The following FANCA variants were observed in gnomAD, a reference collection of about 807,000 sequenced individuals.
FANCA encodes FA complementation group A.
FANCA carries 236 observed loss-of-function variants against 194.3 expected under a neutral mutation model. The observed-to-expected ratio is 1.21, with a 90% CI of 1.09 to 1.35. FANCA has a LOEUF of 1.35. FANCA is among the 40% of genes most tolerant of loss of function. The pLI is 0.00. For missense variants in FANCA, 2,628 were observed against 1,813.9 expected (o/e 1.45, Z -8.15); for synonymous variants, 1,014 against 715.8 (o/e 1.42, Z -6.65).
chr16:89,737,736 A>G lies in FANCA; in HGVS notation c.*865T>C. 2 of 1,604,400 alleles carry G rather than the reference A, an allele frequency of 1.2e-6. No individual in the cohort carries two copies. Among genetic ancestry groups the G allele is most frequent in the Non-Finnish European group, 8.5e-7 (1 of 1,172,878 alleles). On this transcript the variant is annotated 3_prime_UTR_variant, in exon 43 of 43. Transcript: ENST00000389301. ...GTCTTCCCAGCTGTGATGGTTTCAC[A>G]TTGTCATCGTCGTCCCCCCGGGAGG... is the stretch of plus-strand genomic sequence containing the variant.
rs1390601079 is a variant in FANCA at position 89,737,759 on chromosome 16, A to G, written c.*842T>C. ...ACATTGTCATCGTCGTCCCCCCGGG[A>G]GGTTGGAGCATCAGGGGCCTGGACT... On this transcript the variant is annotated 3_prime_UTR_variant, in exon 43 of 43. Coordinates refer to ENST00000389301, the MANE Select transcript of FANCA (RefSeq NM_000135.4). The G allele has an allele frequency of 1.9e-6, 3 of 1,610,206 alleles. No individual in the cohort carries two copies.
Position 89,739,534 on chromosome 16 carries a change from G to C in FANCA, c.3954C>G (p.Leu1318=), listed in dbSNP as rs187297609. 21 of 1,551,352 alleles carry C rather than the reference G, an allele frequency of 1.4e-5. No individual in the cohort carries two copies. In the Admixed American group the frequency reaches 2.5e-4, roughly 19 times the overall value. The change falls in exon 40 of 43, where the codon CTC becomes CTG. Residue 1318 remains leucine, a synonymous_variant. Transcript: ENST00000389301. ...GCTGATCCGGGGCCACACGGAGGAGGAGCCGCCCCAGCCTGAGGTCTGCAA... is the reference window on the plus strand; with the variant it reads ...GCTGATCCGGGGCCACACGGAGGAGCAGCCGCCCCAGCCTGAGGTCTGCAA... The part of the protein sequence containing the change: ...LTESDLRLGR[L]LLRVAPDQHT...
intron 3 of FANCA, among the ~76,000 whole-genome samples, chr16:89,812,441 G>GT (rs1245178231): frequency 3.3e-5 from 5 of 151,632 alleles, no homozygotes; most frequent in Non-Finnish European, 5.9e-5. Flanking sequence ...GAGGTCGGGA[G>GT]TTTGAGACCA....
At chr16:89,788,862 A>C (rs1014289491) in intron 14 of FANCA, among the ~76,000 whole-genome samples, 1 of 152,210 alleles carries the variant, frequency 6.6e-6, no homozygotes, top group African/African-American at 2.4e-5. Flanking sequence ...GATACCTTTC[A>C]TTATTTCATT....
intron 17 of FANCA, among the ~76,000 whole-genome samples, chr16:89,781,100 C>G (rs2039683873): frequency 6.6e-6 from 1 of 152,092 alleles, no homozygotes; most frequent in Non-Finnish European, 1.5e-5. Context: ...CGCAGTGGCT[C>G]ACGCCTGTAA....
intron 38 of FANCA, 119 bp downstream of exon 38, chr16:89,740,684 TC>T (rs943739160): frequency 4.5e-4 from 347 of 775,706 alleles, no homozygotes; most frequent in Non-Finnish European, 6.7e-4. Flanking sequence ...CACTCACACT[TC>T]CGCAAACACA....
intron 28 of FANCA, among the ~76,000 whole-genome samples, chr16:89,763,795 T>C (rs761749987): frequency 6.6e-5 from 10 of 151,462 alleles, no homozygotes; most frequent in Non-Finnish European, 7.4e-5. Flanking sequence ...TAGCCAGGCG[T>C]GGTGGTGCGC....
intron 8 of FANCA, among the ~76,000 whole-genome samples, chr16:89,801,019 C>G (rs2040430344): frequency 8.1e-6 from 1 of 123,034 alleles, no homozygotes; most frequent in Non-Finnish European, 1.6e-5. Flanking sequence ...GGAGACAGAG[C>G]AAGACTCCAT....
At chr16:89,785,830 T>C (rs1352564193) in intron 14 of FANCA, among the ~76,000 whole-genome samples, 1 of 151,280 alleles carries the variant, frequency 6.6e-6, no homozygotes. Flanking sequence ...CACCTTGGTC[T>C]TTCTGAAAGC....
At chr16:89,792,117 C>T (rs1800287) in intron 12 of FANCA, 49 bp from the exon 13 acceptor site, 16 of 1,611,992 alleles carry the variant, frequency 9.9e-6, no homozygotes, top group Non-Finnish European at 1.4e-5. Flanking sequence ...AACCAATGTG[C>T]GACAGATGAC....
rs751309143 is a variant in FANCA at position 89,810,999 on chromosome 16, G to C, written c.356C>G (p.Ser119Cys). The change falls in exon 4 of 43, where the codon TCT becomes TGT. Residue 119 changes from serine to cysteine, a missense_variant. By Grantham distance (112) the Ser-to-Cys change is moderately radical. Coordinates refer to ENST00000389301, the MANE Select transcript of FANCA (RefSeq NM_000135.4). ...VGILSAGMVA[S>C]SVGQICTAPA... ...AGCCGTGCAGATCTGTCCCACGCTAGAGGCAACCATCCCGGCTGAGAGAAT... is the reference window on the plus strand; with the variant it reads ...AGCCGTGCAGATCTGTCCCACGCTACAGGCAACCATCCCGGCTGAGAGAAT... 29 of 1,613,962 alleles carry C rather than the reference G, an allele frequency of 1.8e-5. No homozygotes were observed. The East Asian group carries it at 5.3e-4, about 30-fold the overall frequency.
At chr16:89,741,654 C>G (rs1424913408) in intron 37 of FANCA, among the ~76,000 whole-genome samples, 1 of 152,138 alleles carries the variant, frequency 6.6e-6, no homozygotes, top group Non-Finnish European at 1.5e-5. Context: ...GGGTCTGAGT[C>G]GAACATGGTC....
chr16:89,784,768 AGG>A, intron 15 of FANCA, 84 bp downstream of exon 15: 1 of 969,308 alleles, frequency 1.0e-6, no homozygotes, highest in Non-Finnish European at 1.7e-6. Context: ...GATCTGCAGG[AGG>A]CTCTTGGGGA....
intron 1 of FANCA, 78 bp from the exon 2 acceptor site, chr16:89,816,064 C>T (rs762191148): frequency 3.6e-6 from 4 of 1,115,460 alleles, no homozygotes; most frequent in East Asian, 2.4e-5. Context: ...CAGGTGGACG[C>T]CGCGGAGAAA....
chr16:89,761,205 G>C (rs979431446), intron 29 of FANCA, among the ~76,000 whole-genome samples: 2 of 152,140 alleles, frequency 1.3e-5, no homozygotes, highest in Non-Finnish European at 1.5e-5. Flanking sequence ...GGATCACGAG[G>C]TCAGGAGATT....
At chr16:89,748,607 A>C in intron 33 of FANCA, 52 bp downstream of exon 33, 1 of 1,397,068 alleles carries the variant, frequency 7.2e-7, no homozygotes. Context: ...AGCTGCTGTT[A>C]GCGCCACAGG....
At chr16:89,796,933 C>A (rs939411792) in intron 10 of FANCA, among the ~76,000 whole-genome samples, 1 of 152,016 alleles carries the variant, frequency 6.6e-6, no homozygotes, top group Non-Finnish European at 1.5e-5. Context: ...CCAAGGGGGG[C>A]AGATGACAAG....
At chr16:89,767,378 C>A (rs891411729) in intron 26 of FANCA, 141 bp from the exon 27 acceptor site, 2 of 691,798 alleles carry the variant, frequency 2.9e-6, no homozygotes, top group Non-Finnish European at 5.1e-6. Context: ...TTTTTTGGTT[C>A]GTTTGTTGTG....
In FANCA at chr16:89,740,795, C is replaced by G; in HGVS notation, c.3828+9G>C. ...GAGAGGACACCTTGGCTGGTAAGGT[C>G]TGACTTACATTTGAGGTCAGATGTG... On this transcript the variant is annotated intron_variant, in intron 38 of 42. Transcript: ENST00000389301. The G allele has an allele frequency of 1.2e-6, 2 of 1,613,060 alleles. No individual in the cohort carries two copies. The highest frequency in any genetic ancestry group is 1.7e-5 in the Admixed American group (1 of 59,956).
Sources: allele counts gnomAD v4.1 joint callset (sites outside exome capture counted in the v4.1 genomes callset), GRCh38; gene constraint gnomAD v4.1.1; transcripts MANE v1.5; gene names NCBI Gene and HGNC (gene_info 2026-07-23, HGNC 2026-07-21).